Variants in F13A1 observed in about 807,000 individuals in gnomAD.
F13A1 encodes the protein FSF, A subunit.
F13A1 carries 47 observed loss-of-function variants against 80.1 expected under a neutral mutation model. The observed-to-expected ratio is 0.59, with a 90% CI of 0.46 to 0.75. F13A1 has a LOEUF of 0.75. Ranked by LOEUF, F13A1 falls within the 30% of genes least tolerant of loss-of-function variation. F13A1 has a pLI of 0.00. For missense variants in F13A1, 817 were observed against 930.4 expected, an observed-to-expected ratio of 0.88 and a Z score of 1.59; for synonymous variants, 349 against 344.9, an observed-to-expected ratio of 1.01 and a Z score of -0.13.
At chr6:6,288,671 C>T (rs1758171169) in intron 3 of F13A1, among the ~76,000 whole-genome samples, 1 of 152,188 alleles carries the variant, frequency 6.6e-6, no homozygotes, top group Non-Finnish European at 1.5e-5. Context: ...GATACATACC[C>T]AGAAGTGGGA....
chr6:6,302,943 C>T lies in F13A1; in HGVS notation c.319+2408G>A, dbSNP rs180676901. ...AAAAATTGTCTTTTTTACATTAATA[C>T]TCATTCCATCTGAGATTTACTACTG... On this transcript the variant is annotated intron_variant, in intron 3 of 14. Transcript: ENST00000264870. Among the ~76,000 whole-genome samples the T allele has an allele frequency of 2.3e-3, 356 of 152,304 alleles. 1 individual carries two copies. Among genetic ancestry groups the T allele is most frequent in the Middle Eastern group, 3.4e-3 (1 of 294 alleles).
chr6:6,185,129 CT>C (rs113575772), intron 10 of F13A1, among the ~76,000 whole-genome samples: 5,399 of 146,600 alleles, frequency 0.037, 348 homozygotes, highest in African/African-American at 0.12. Context: ...GAATCTCTCT[CT>C]TTTTTTTTTT....
intron 4 of F13A1, among the ~76,000 whole-genome samples, chr6:6,262,778 G>A (rs1757795035): frequency 6.6e-6 from 1 of 150,870 alleles, no homozygotes; most frequent in African/African-American, 2.4e-5. Context: ...TGGAAAATCT[G>A]CACCCCTCTT....
At chr6:6,244,443 AG>A (rs1757528167) in intron 6 of F13A1, among the ~76,000 whole-genome samples, 1 of 152,188 alleles carries the variant, frequency 6.6e-6, no homozygotes, top group Non-Finnish European at 1.5e-5. Context: ...CCTAAGCAAA[AG>A]TTAGCTTATG....
At chr6:6,298,535 T>C (rs1277474971) in intron 3 of F13A1, among the ~76,000 whole-genome samples, 9 of 147,178 alleles carry the variant, frequency 6.1e-5, no homozygotes, top group East Asian at 1.9e-4. Context: ...TCTTTGTTGG[T>C]TTGAAGTCTG....
intron 8 of F13A1, among the ~76,000 whole-genome samples, chr6:6,213,169 A>C (rs1309437369): frequency 1.3e-5 from 2 of 152,122 alleles, no homozygotes; most frequent in Non-Finnish European, 2.9e-5. Context: ...GATTCAGGAA[A>C]TACAGAGAAC....
chr6:6,194,378 G>T lies in F13A1; in HGVS notation c.1305+1419C>A, dbSNP rs190908425. On this transcript the variant is annotated intron_variant, in intron 10 of 14. Coordinates refer to ENST00000264870, the MANE Select transcript of F13A1 (RefSeq NM_000129.4). ...TTCAACTGCCCCCACAAAGCTTTCAGATGCTCAACTCATCCCCCTGCTTTG... is the reference window on the plus strand; with the variant it reads ...TTCAACTGCCCCCACAAAGCTTTCATATGCTCAACTCATCCCCCTGCTTTG... 2.0e-3 allele frequency among the ~76,000 whole-genome samples: 305 copies of T among 152,300 alleles called. 8 individuals are homozygous for T. Among genetic ancestry groups the T allele is most frequent in the South Asian group, 0.019 (92 of 4,826 alleles).
chr6:6,236,217 T>G (rs1291748980), intron 6 of F13A1, among the ~76,000 whole-genome samples: 1 of 152,132 alleles, frequency 6.6e-6, no homozygotes, highest in Non-Finnish European at 1.5e-5. Context: ...ATTCATTATT[T>G]TGATTTTAGT....
intron 3 of F13A1, among the ~76,000 whole-genome samples, chr6:6,302,468 GGTAA>G (rs746219703): frequency 5.7e-4 from 86 of 151,994 alleles, no homozygotes; most frequent in African/African-American, 2.0e-3. Context: ...GTAACACAAT[GGTAA>G]GTATTTATAT....
chr6:6,240,833 C>T (rs1248784418), intron 6 of F13A1, among the ~76,000 whole-genome samples: 1 of 152,148 alleles, frequency 6.6e-6, no homozygotes, highest in Admixed American at 6.5e-5. Context: ...TCTCATTCAT[C>T]ATTGAATTCC....
chr6:6,169,588 T>C (rs1340341906), intron 12 of F13A1, among the ~76,000 whole-genome samples: 2 of 152,172 alleles, frequency 1.3e-5, no homozygotes, highest in Non-Finnish European at 2.9e-5. Flanking sequence ...CATCCTAGAC[T>C]AGTAGTTGTC....
chr6:6,151,719 C>A, intron 14 of F13A1, 94 bp downstream of exon 14: 1 of 1,552,516 alleles, frequency 6.4e-7, no homozygotes, highest in South Asian at 1.1e-5. Context: ...GACATTTTCA[C>A]TGGGGAGCAG....
intron 13 of F13A1, among the ~76,000 whole-genome samples, chr6:6,159,380 G>A (rs1173693542): frequency 6.6e-6 from 1 of 152,140 alleles, no homozygotes; most frequent in Non-Finnish European, 1.5e-5. Flanking sequence ...AAAATTGTGG[G>A]CATCTCATGA....
chr6:6,173,926 G>A (rs903693935), intron 12 of F13A1, among the ~76,000 whole-genome samples: 3 of 152,072 alleles, frequency 2.0e-5, no homozygotes, highest in Admixed American at 6.5e-5. Flanking sequence ...GGTGTGGGGT[G>A]GGACATGAGA....
At chr6:6,290,116 T>C (rs1027932395) in intron 3 of F13A1, among the ~76,000 whole-genome samples, 1 of 152,174 alleles carries the variant, frequency 6.6e-6, no homozygotes, top group African/African-American at 2.4e-5. Context: ...AAGAGTTCAA[T>C]AAGCACATTC....
chr6:6,206,393 T>A, intron 8 of F13A1: 1 of 452,398 alleles, frequency 2.2e-6, no homozygotes, highest in Non-Finnish European at 4.5e-6. Context: ...CAGAACATGA[T>A]TCCATTGCCA....
At chr6:6,309,812 C>T (rs2113191681) in intron 2 of F13A1, among the ~76,000 whole-genome samples, 1 of 152,212 alleles carries the variant, frequency 6.6e-6, no homozygotes, top group South Asian at 2.1e-4. Flanking sequence ...GTGAGTTTAG[C>T]CTGCATGTAG....
intron 2 of F13A1, among the ~76,000 whole-genome samples, chr6:6,305,935 C>T (rs1330250708): frequency 6.6e-6 from 1 of 152,176 alleles, no homozygotes; most frequent in Non-Finnish European, 1.5e-5. Context: ...ACTAACCAGG[C>T]AGAAGCAGGG....
intron 8 of F13A1, among the ~76,000 whole-genome samples, chr6:6,207,713 A>G (rs1236569289): frequency 1.3e-5 from 2 of 152,130 alleles, no homozygotes; most frequent in Non-Finnish European, 2.9e-5. Context: ...CACACACACA[A>G]CGCTACTTGG....
Sources: allele counts gnomAD v4.1 joint callset (sites outside exome capture counted in the v4.1 genomes callset), GRCh38; gene constraint gnomAD v4.1.1; transcripts MANE v1.5; gene names NCBI Gene and HGNC (gene_info 2026-07-23, HGNC 2026-07-21).